The following TBC1D32 variants were observed in gnomAD, a reference collection of about 807,000 sequenced individuals.
TBC1D32 encodes TBC1 domain family member 32.
TBC1D32 carries 151 observed loss-of-function variants against 170.3 expected under a neutral mutation model. The ratio of observed to expected loss-of-function variants is 0.89; its 90% CI spans 0.78 to 1.01. The LOEUF (loss-of-function observed/expected upper bound fraction) is 1.01. Ranked by LOEUF, TBC1D32 falls within the 50% of genes least tolerant of loss-of-function variation. TBC1D32 has a pLI of 0.00. For synonymous variants in TBC1D32, 498 were observed against 488.0 expected, an observed-to-expected ratio of 1.02 and a Z score of -0.27; for missense variants, 1,464 against 1,457.1, an observed-to-expected ratio of 1.00 and a Z score of -0.08.
intron 22 of TBC1D32, among the ~76,000 whole-genome samples, chr6:121,179,589 A>G (rs1788246763): frequency 6.6e-6 from 1 of 152,126 alleles, no homozygotes; most frequent in Non-Finnish European, 1.5e-5. Context: ...GAAGAGTTCA[A>G]TAAATAAAGT....
At chr6:121,262,674 G>A (rs1303427057) in intron 15 of TBC1D32, among the ~76,000 whole-genome samples, 3 of 151,800 alleles carry the variant, frequency 2.0e-5, no homozygotes, top group Non-Finnish European at 4.4e-5. Flanking sequence ...ACAGAGTTTC[G>A]CCATGTTGGC....
intron 24 of TBC1D32, among the ~76,000 whole-genome samples, chr6:121,142,768 A>G (rs1356567750): frequency 1.3e-5 from 2 of 152,168 alleles, no homozygotes; most frequent in African/African-American, 4.8e-5. Flanking sequence ...AATGCAACAT[A>G]GTAGAGTGGA....
At position 121,286,238 on chromosome 6, in the gene TBC1D32, G is replaced by GA. The variant is rs545111422; in HGVS notation, c.1373-2329dup. On this transcript the variant is annotated intron_variant, in intron 12 of 31. Coordinates refer to ENST00000398212, the MANE Select transcript of TBC1D32 (RefSeq NM_152730.6). Reference sequence around the variant, plus strand: ...CCATGGCAAAGAAGTTGAAAACCTTGAAAAAAAATTGGATAAATGGCTAAC... The same window carrying GA: ...CCATGGCAAAGAAGTTGAAAACCTTGAAAAAAAAATTGGATAAATGGCTAAC... Among the ~76,000 whole-genome samples the GA allele has an allele frequency of 2.2e-4, 33 of 151,910 alleles. 1 individual carries two copies. The South Asian group carries it at 3.3e-3, about 15-fold the overall frequency.
At chr6:121,334,234 G>A (rs934285893) in intron 1 of TBC1D32, 42 bp downstream of exon 1, 21 of 1,564,462 alleles carry the variant, frequency 1.3e-5, no homozygotes, top group Non-Finnish European at 1.8e-5. Context: ...ACCCTCTCTG[G>A]ATCGATGGTT....
chr6:121,318,776 A>T (rs943906038), intron 2 of TBC1D32, among the ~76,000 whole-genome samples: 16 of 151,216 alleles, frequency 1.1e-4, no homozygotes, highest in Admixed American at 7.3e-4. Context: ...ATACATGTAT[A>T]GTGTGTGTGT....
At position 121,145,869 on chromosome 6, in the gene TBC1D32, AT is replaced by A. The variant is rs549141118; in HGVS notation, c.2774-14118del. Among the ~76,000 whole-genome samples, 123 of 152,264 alleles carry A rather than the reference AT, an allele frequency of 8.1e-4. No individual in the cohort carries two copies. The Middle Eastern group carries it at 0.01, about 13-fold the overall frequency. ...ATAACAACCAGAAAAGGGTTAATGG[AT>A]TAATGGTCTGTATAAAGTTGATGAA... On this transcript the variant is annotated intron_variant, in intron 24 of 31. Coordinates refer to ENST00000398212, the MANE Select transcript of TBC1D32 (RefSeq NM_152730.6).
At chr6:121,235,153 T>G (rs1039071128) in intron 20 of TBC1D32, among the ~76,000 whole-genome samples, 1 of 152,116 alleles carries the variant, frequency 6.6e-6, no homozygotes, top group Non-Finnish European at 1.5e-5. Context: ...TGTGTTTTTG[T>G]TTAGTGTGCT....
chr6:121,264,768 A>G (rs1800236893), intron 15 of TBC1D32, among the ~76,000 whole-genome samples: 1 of 152,160 alleles, frequency 6.6e-6, no homozygotes, highest in South Asian at 2.1e-4. Flanking sequence ...AACATACACA[A>G]ATCAATAAAC....
chr6:121,209,018 A>C (rs1044921098), intron 21 of TBC1D32, among the ~76,000 whole-genome samples: 3 of 152,166 alleles, frequency 2.0e-5, no homozygotes, highest in Non-Finnish European at 4.4e-5. Flanking sequence ...GGAGAATACC[A>C]TCTAGAGAAG....
intron 13 of TBC1D32, 22 bp downstream of exon 13, chr6:121,283,796 T>C (rs1277815314): frequency 6.5e-7 from 1 of 1,534,294 alleles, no homozygotes; most frequent in Non-Finnish European, 9.0e-7. Flanking sequence ...TATTTCTCTA[T>C]TTAAAATAGA....
intron 21 of TBC1D32, among the ~76,000 whole-genome samples, chr6:121,222,647 A>G (rs565501218): frequency 6.8e-6 from 1 of 147,382 alleles, no homozygotes; most frequent in Non-Finnish European, 1.5e-5. Flanking sequence ...TAAAATTTCA[A>G]TATCAAGTCT....
intron 15 of TBC1D32, among the ~76,000 whole-genome samples, chr6:121,267,990 A>T (rs1351966987): frequency 6.6e-6 from 1 of 152,144 alleles, no homozygotes; most frequent in East Asian, 1.9e-4. Context: ...TACCCAGGCA[A>T]ACAGCGTCTG....
At chr6:121,123,720 T>G (rs1780526572) in intron 26 of TBC1D32, among the ~76,000 whole-genome samples, 1 of 152,074 alleles carries the variant, frequency 6.6e-6, no homozygotes, top group Non-Finnish European at 1.5e-5. Flanking sequence ...AAATTCAGTC[T>G]GTTTACATTC....
intron 15 of TBC1D32, among the ~76,000 whole-genome samples, chr6:121,275,458 C>A (rs1802087639): frequency 6.6e-6 from 1 of 152,090 alleles, no homozygotes; most frequent in Non-Finnish European, 1.5e-5. Context: ...ATGGAAATAG[C>A]CAATAACCCT....
chr6:121,136,458 G>A (rs571072198), intron 24 of TBC1D32, among the ~76,000 whole-genome samples: 9 of 152,310 alleles, frequency 5.9e-5, no homozygotes, highest in South Asian at 2.1e-4. Context: ...TCACAACTGA[G>A]AAGAGAGAGG....
chr6:121,212,450 CTTTTTTTT>C (rs3076854), intron 21 of TBC1D32, among the ~76,000 whole-genome samples: 2 of 102,100 alleles, frequency 2.0e-5, no homozygotes, highest in Non-Finnish European at 4.2e-5. Context: ...GTCAATATCT[CTTTTTTTT>C]TTTTTTTTTT....
At chr6:121,267,369 C>A (rs1583474696) in intron 15 of TBC1D32, among the ~76,000 whole-genome samples, 1 of 152,132 alleles carries the variant, frequency 6.6e-6, no homozygotes. Context: ...CTTTCCTAGC[C>A]AAGGGAAGCT....
intron 31 of TBC1D32, among the ~76,000 whole-genome samples, chr6:121,090,332 T>C (rs903905333): frequency 6.6e-6 from 1 of 152,198 alleles, no homozygotes. Flanking sequence ...AGTCCCCAAC[T>C]TCCAAAATGA....
At chr6:121,193,123 G>T (rs527723185) in intron 22 of TBC1D32, among the ~76,000 whole-genome samples, 32 of 152,294 alleles carry the variant, frequency 2.1e-4, no homozygotes, top group Middle Eastern at 3.4e-3. Flanking sequence ...AAGGGTATGG[G>T]AAAATGGTGG....
Sources: allele counts gnomAD v4.1 joint callset (sites outside exome capture counted in the v4.1 genomes callset), GRCh38; gene constraint gnomAD v4.1.1; transcripts MANE v1.5; gene names NCBI Gene and HGNC (gene_info 2026-07-23, HGNC 2026-07-21).